Variants in EPS8L3 observed in about 807,000 individuals in gnomAD.
EPS8L3 encodes the protein EPS8 signaling adaptor L3.
A neutral mutation model predicts 88.5 loss-of-function variants in EPS8L3; 80 were observed. The ratio of observed to expected loss-of-function variants is 0.90; its 90% confidence interval spans 0.75 to 1.09. EPS8L3 has a LOEUF of 1.09. Ranked by LOEUF, EPS8L3 falls within the 50% of genes least tolerant of loss-of-function variation. EPS8L3 has a pLI of 0.00. For missense variants in EPS8L3, 721 were observed against 735.2 expected, an observed-to-expected ratio of 0.98 and a Z score of 0.22; for synonymous variants, 286 against 291.0, an observed-to-expected ratio of 0.98 and a Z score of 0.18.
intron 17 of EPS8L3, among the ~76,000 whole-genome samples, 180 bp downstream of exon 17, chr1:109,751,098 C>T (rs1649748720): frequency 6.6e-6 from 1 of 152,196 alleles, no homozygotes; most frequent in African/African-American, 2.4e-5. Context: ...CAGAGCTCCC[C>T]ACTTAATCTC....
intron 10 of EPS8L3, 115 bp downstream of exon 10, chr1:109,757,687 A>G (rs1222240191): frequency 4.3e-6 from 6 of 1,395,202 alleles, no homozygotes; most frequent in Non-Finnish European, 4.0e-6. Flanking sequence ...GGGAGGTTCT[A>G]GGGGGAGTAG....
At chr1:109,762,239 G>T (rs1000331195) in intron 1 of EPS8L3, among the ~76,000 whole-genome samples, 1 of 152,196 alleles carries the variant, frequency 6.6e-6, no homozygotes, top group Admixed American at 6.5e-5. Context: ...GGACGCTGAT[G>T]CTGGCTCTTC....
intron 6 of EPS8L3, 112 bp downstream of exon 6, chr1:109,758,950 C>T (rs564049052): frequency 1.7e-6 from 2 of 1,179,180 alleles, no homozygotes; most frequent in East Asian, 5.1e-5. Flanking sequence ...TCAGTCCAGG[C>T]CCAGGTTGGT....
Position 109,752,012 on chromosome 1 carries a change from G to T in EPS8L3, c.1417C>A (p.Gln473Lys). 6.2e-7 allele frequency: 1 copy of T among 1,610,204 alleles called. No individual in the cohort carries two copies. The highest frequency in any genetic ancestry group is 8.5e-7 in the Non-Finnish European group (1 of 1,177,670). The change falls in exon 15 of 19, where the codon CAG becomes AAG. Residue 473 changes from glutamine to lysine, a missense_variant. Gln to Lys is a moderately conservative substitution (Grantham distance 53, BLOSUM62 1). Transcript: ENST00000361965. ...ARNPRELTVV[Q>K]GEKLEVLDHS... is the part of the protein sequence containing the mutation. ...AGCCTCACCTCCAGCTTCTCTCCCT[G>T]GACCACAGTCAGTTCCCGTGGGTTC... is the stretch of plus-strand genomic sequence containing the variant.
chr1:109,753,584 T>C (rs535673779), intron 12 of EPS8L3, among the ~76,000 whole-genome samples: 2 of 152,316 alleles, frequency 1.3e-5, no homozygotes, highest in African/African-American at 4.8e-5. Context: ...TGTTTTTAGT[T>C]TCCCAGCAGC....
chr1:109,752,576 A>G (rs1235032322), intron 14 of EPS8L3, 110 bp downstream of exon 14: 1 of 1,045,664 alleles, frequency 9.6e-7, no homozygotes, highest in Non-Finnish European at 1.4e-6. Flanking sequence ...TTTTCTGGCT[A>G]AAAGAGACCC....
rs1407403258 is a variant in EPS8L3 at position 109,759,750 on chromosome 1, G to A, written c.183C>T (p.Gly61=). 6 of 1,614,064 alleles carry A rather than the reference G, an allele frequency of 3.7e-6. No homozygotes were observed. Among genetic ancestry groups the A allele is most frequent in the Non-Finnish European group, 4.2e-6 (5 of 1,180,008 alleles). ...LQKLFEMDAQ[G]RVWSQDLILQ... ...GGATCAAGTCTTGGCTCCACACCCG[G>A]CCCTGTGCATCCATCTCGAACAGCT... Residue 61 remains glycine, a synonymous_variant, in exon 4 of 19, where the codon GGC becomes GGT. Transcript: ENST00000361965. The surrounding 1 kb of genome is among the most constrained non-coding windows in gnomAD (Gnocchi z 4.2).
At position 109,757,014 on chromosome 1, in the gene EPS8L3, C is replaced by T; in HGVS notation, c.1118+3G>A. The T allele has an allele frequency of 6.2e-7, 1 of 1,614,220 alleles. No homozygotes were observed. Among genetic ancestry groups the T allele is most frequent in the Non-Finnish European group, 8.5e-7 (1 of 1,180,030 alleles). On this transcript the variant is annotated splice_donor_region_variant and intron_variant, in intron 12 of 18. Coordinates refer to ENST00000361965, the MANE Select transcript of EPS8L3 (RefSeq NM_133181.4). ...ATTCAGTTCAGGCTTTGTCTTCACTCACCGGCTAGTGGTCCAGGCTGGGCC... is the reference window on the plus strand; with the variant it reads ...ATTCAGTTCAGGCTTTGTCTTCACTTACCGGCTAGTGGTCCAGGCTGGGCC...
intron 3 of EPS8L3, 141 bp downstream of exon 3, chr1:109,761,354 G>T (rs939085846): frequency 5.7e-6 from 4 of 704,706 alleles, no homozygotes; most frequent in African/African-American, 1.8e-5. Flanking sequence ...TTGGATCTGA[G>T]TCCATGCGAC....
At chr1:109,756,652 CATCTCTT>C in intron 12 of EPS8L3, among the ~76,000 whole-genome samples, 1 of 152,318 alleles carries the variant, frequency 6.6e-6, no homozygotes, top group Non-Finnish European at 1.5e-5. Flanking sequence ...ACATTTGCAG[CATCTCTT>C]ACGTCAGTAA....
At chr1:109,757,693 A>G in intron 10 of EPS8L3, 109 bp downstream of exon 10, 2 of 1,397,560 alleles carry the variant, frequency 1.4e-6, no homozygotes, top group Non-Finnish European at 2.0e-6. Context: ...TTCTAGGGGG[A>G]GTAGATGAAG....
chr1:109,753,152 A>G lies in EPS8L3; in HGVS notation c.1165T>C (p.Ser389Pro), dbSNP rs139620733. ...GGCTCTGGAAGTTGCCAGTCATCTG[A>G]GAATGTGGGTTGGTAGGGCAGGGGC... ...DEPLPYQPTF[S>P]DDWQLPEPSS... Residue 389 changes from serine to proline, a missense_variant, in exon 13 of 19, where the codon TCA becomes CCA. By Grantham distance (74) the Ser-to-Pro change is moderately conservative. Coordinates refer to ENST00000361965, the MANE Select transcript of EPS8L3 (RefSeq NM_133181.4). The G allele has an allele frequency of 3.1e-6, 5 of 1,613,264 alleles. No homozygotes were observed. The highest frequency in any genetic ancestry group is 4.2e-6 in the Non-Finnish European group (5 of 1,179,730).
intron 17 of EPS8L3, 93 bp from the exon 18 acceptor site, chr1:109,750,885 G>T (rs1649730948): frequency 1.3e-6 from 2 of 1,494,832 alleles, no homozygotes; most frequent in Non-Finnish European, 1.8e-6. Flanking sequence ...GGGCTCGGAG[G>T]TTGGGGTTAC....
In EPS8L3 at chr1:109,758,023, C is replaced by T; in HGVS notation, c.753G>A (p.Leu251=). ...VLNHVLRDIE[L]FMGKLEKAQA... is the part of the protein sequence containing the mutation. ...GGGCCTTCTCCAGCTTTCCCATGAA[C>T]AGCTCAATGTCCCTTAGGACATGGT... is the stretch of plus-strand genomic sequence containing the variant. Residue 251 remains leucine, a synonymous_variant, in exon 9 of 19, where the codon CTG becomes CTA. Coordinates refer to ENST00000361965, the MANE Select transcript of EPS8L3 (RefSeq NM_133181.4). 1 of 1,614,178 alleles carries T rather than the reference C, an allele frequency of 6.2e-7. No homozygotes were observed. The highest frequency in any genetic ancestry group is 8.5e-7 in the Non-Finnish European group (1 of 1,180,016).
rs550549833 is a variant in EPS8L3, at chr1:109,761,394, G to A, written c.96+101C>T. The A allele has an allele frequency of 3.8e-5, 39 of 1,038,310 alleles. 1 individual carries two copies. In the Admixed American group the frequency reaches 3.9e-4, roughly 10 times the overall value. 64.3% of individuals were successfully genotyped at this position (1,038,310 alleles called of 1,614,324 possible). A position where few individuals can be genotyped will look rare whatever the true frequency, so the allele number is the denominator to read the frequency against. On this transcript the variant is annotated intron_variant, in intron 3 of 18. Coordinates refer to ENST00000361965, the MANE Select transcript of EPS8L3 (RefSeq NM_133181.4). ...TTGGGACAGGCTGTTGGCTTCTGGG[G>A]CAGGGACTTGTGTGAAGTGTCCATG...
rs534356627 is a variant in EPS8L3 at position 109,759,938 on chromosome 1, C to T, written c.97-102G>A. On this transcript the variant is annotated intron_variant, in intron 3 of 18. Transcript: ENST00000361965. This position sits in a 1 kb window ranked among gnomAD's most constrained non-coding sequence, Gnocchi z 4.2. Reference sequence around the variant, plus strand: ...GCAGAAGAGGAAGAAGACGTGTCCTCGGCCCCCTTGAGGTAGGAGGTTCCA... The same window carrying T: ...GCAGAAGAGGAAGAAGACGTGTCCTTGGCCCCCTTGAGGTAGGAGGTTCCA... 3.1e-5 allele frequency: 41 copies of T among 1,303,878 alleles called. No homozygotes were observed. Among genetic ancestry groups the T allele is most frequent in the Middle Eastern group, 1.9e-4 (1 of 5,298 alleles). 80.8% of individuals were successfully genotyped at this position (1,303,878 alleles called of 1,614,324 possible).
chr1:109,761,800 G>C, intron 1 of EPS8L3, 27 bp from the exon 2 acceptor site: 2 of 1,605,330 alleles, frequency 1.2e-6, no homozygotes, highest in African/African-American at 1.3e-5. Context: ...ACCAGAGGCA[G>C]CCATCAGAGC....
intron 1 of EPS8L3, 72 bp from the exon 2 acceptor site, chr1:109,761,845 C>A: frequency 1.4e-6 from 2 of 1,385,326 alleles, no homozygotes; most frequent in Non-Finnish European, 2.0e-6. Flanking sequence ...CAGGGCAGGA[C>A]AGTTGCTATT....
Position 109,757,046 on chromosome 1 carries a change from C to T in EPS8L3, c.1089G>A (p.Met363Ile). ...CLSPPESNLW[M>I]GLGPAWTTSR... ...TAGTGGTCCAGGCTGGGCCCAACCC[C>T]ATCCAAAGGTTACTCTCAGGTGGGC... is the stretch of plus-strand genomic sequence containing the variant. The change falls in exon 12 of 19, where the codon ATG (methionine) becomes ATA (isoleucine). Residue 363 changes from methionine (M) to isoleucine (I), a missense_variant. Coordinates refer to ENST00000361965, the MANE Select transcript of EPS8L3 (RefSeq NM_133181.4). 1 of 1,614,228 alleles carries T rather than the reference C, an allele frequency of 6.2e-7. No homozygotes were observed. The highest frequency in any genetic ancestry group is 8.5e-7 in the Non-Finnish European group (1 of 1,180,040).
Sources: allele counts gnomAD v4.1 joint callset (sites outside exome capture counted in the v4.1 genomes callset), GRCh38; gene constraint gnomAD v4.1.1; non-coding constraint Gnocchi (gnomAD v3.1); transcripts MANE v1.5; gene names NCBI Gene and HGNC (gene_info 2026-07-23, HGNC 2026-07-21).